The following USF2 variants were observed in gnomAD, a reference collection of about 807,000 sequenced individuals.
The protein encoded by USF2 is upstream stimulatory factor 2.
A neutral mutation model predicts 46.9 loss-of-function variants in USF2; 16 were observed. That is an observed-to-expected ratio of 0.34 (90% confidence interval 0.23 to 0.52). The LOEUF (loss-of-function observed/expected upper bound fraction) is 0.52, where lower values mean the gene tolerates loss of function less well. USF2 is among the 20% of genes least tolerant of loss of function. The pLI is 0.96. For missense variants in USF2, 411 were observed against 474.0 expected, an observed-to-expected ratio of 0.87 and a Z score of 1.23; for synonymous variants, 239 against 194.1, an observed-to-expected ratio of 1.23 and a Z score of -1.92.
rs867609003 is a variant in USF2, at chr19:35,269,675, C to T, written c.204C>T (p.Phe68=). 5.1e-6 allele frequency: 8 copies of T among 1,580,970 alleles called. No homozygotes were observed. Among genetic ancestry groups the T allele is most frequent in the African/African-American group, 4.2e-5 (3 of 71,666 alleles). Residue 68 remains phenylalanine, a synonymous_variant, in exon 3 of 10, where the codon TTC becomes TTT. Coordinates refer to ENST00000222305, the MANE Select transcript of USF2 (RefSeq NM_003367.4). ...GCGACCACAACATCCAGTACCAGTT[C>T]CGCACAGAGACAAATGGAGGACAGG... The part of the protein sequence containing the change: ...AFGDHNIQYQ[F]RTETNGGQVT...
In USF2 at chr19:35,269,803, G is replaced by C; in HGVS notation, c.229G>C (p.Val77Leu). Reference protein sequence around the residue: ...QFRTETNGGQVTYRVVQVTDG... With the variant: ...QFRTETNGGQLTYRVVQVTDG... The stretch of plus-strand genomic sequence containing the variant: ...CTCGCCGCTCTGCCGCCCCCTGCAG[G>C]TGACATACCGCGTAGTCCAGGTGAC... Residue 77 changes from valine to leucine, a missense_variant and splice_region_variant, in exon 4 of 10, where the codon GTG becomes CTG. Physicochemically the swap from Val to Leu is conservative, Grantham distance 32. Around this residue, in one of 2 missense-constraint regions of USF2, gnomAD observed 318 missense variants for 322.4 expected, o/e 0.99. Coordinates refer to ENST00000222305, the MANE Select transcript of USF2 (RefSeq NM_003367.4). 6.7e-7 allele frequency: 1 copy of C among 1,492,636 alleles called. No homozygotes were observed. The highest frequency in any genetic ancestry group is 8.9e-7 in the Non-Finnish European group (1 of 1,125,434). The allele number at this position is 1,492,636 out of a possible 1,614,324, so 92.5% of individuals were successfully genotyped here. A position where few individuals can be genotyped will look rare whatever the true frequency, so the allele number is the denominator to read the frequency against.
chr19:35,279,348 C>T lies in USF2; in HGVS notation c.*92C>T. 2 of 1,280,314 alleles carry T rather than the reference C, an allele frequency of 1.6e-6. No individual in the cohort carries two copies. Among genetic ancestry groups the T allele is most frequent in the African/African-American group, 3.1e-5 (2 of 64,500 alleles). 79.3% of individuals were successfully genotyped at this position (1,280,314 alleles called of 1,614,324 possible). ...AGCACAGAGAGGGACACATGCCCCT[C>T]CCCCAGCTGCGTTTTTTTATAGTAG... On this transcript the variant is annotated 3_prime_UTR_variant, in exon 10 of 10. Coordinates refer to ENST00000222305, the MANE Select transcript of USF2 (RefSeq NM_003367.4).
intron 7 of USF2, among the ~76,000 whole-genome samples, chr19:35,276,438 TC>T (rs2066234668): frequency 6.6e-6 from 1 of 152,130 alleles, no homozygotes; most frequent in Non-Finnish European, 1.5e-5. Context: ...TAATGGGTCT[TC>T]CTGTATTTCA....
chr19:35,276,796 G>A (rs2066240252), intron 7 of USF2, among the ~76,000 whole-genome samples: 1 of 152,182 alleles, frequency 6.6e-6, no homozygotes, highest in Non-Finnish European at 1.5e-5. Context: ...GAGGCACTTT[G>A]TACCATCTTC....
In USF2 at chr19:35,274,224, TC is replaced by T. The variant is rs1277225494; in HGVS notation, c.727+3084del. On this transcript the variant is annotated intron_variant, in intron 7 of 9. Coordinates refer to ENST00000222305, the MANE Select transcript of USF2 (RefSeq NM_003367.4). ...TGCCATCTCCCGTCTCCAAAGGCTT[TC>T]ATGCAACCTTCTTCTTTGCAGAGCA... Among the ~76,000 whole-genome samples the T allele has an allele frequency of 7.9e-5, 12 of 152,326 alleles. No individual in the cohort carries two copies. In the South Asian group the frequency reaches 2.5e-3, roughly 32 times the overall value.
rs1450662692 is a variant in USF2 at position 35,269,903 on chromosome 19, G to A, written c.329G>A (p.Gly110Glu). 5 of 1,388,244 alleles carry A rather than the reference G, an allele frequency of 3.6e-6. No individual in the cohort carries two copies. The South Asian group carries it at 6.7e-5, about 19-fold the overall frequency. 86.0% of individuals were successfully genotyped at this position (1,388,244 alleles called of 1,614,324 possible). Residue 110 changes from glycine (G) to glutamate (E), a missense_variant, in exon 4 of 10, where the codon GGG (glycine) becomes GAG (glutamate). Coordinates refer to ENST00000222305, the MANE Select transcript of USF2 (RefSeq NM_003367.4). ...GTGTCCACCGCTGCCTTCGCGGGGG[G>A]GCAGCAGGCTGTGACCCAGGTGGGT... ...SVVSTAAFAG[G>E]QQAVTQVGVD...
chr19:35,272,765 G>A (rs190374488), intron 7 of USF2, among the ~76,000 whole-genome samples: 193 of 152,076 alleles, frequency 1.3e-3, no homozygotes, highest in African/African-American at 4.5e-3. Context: ...ATGTGGGGAG[G>A]ACTCCAAGGC....
intron 6 of USF2, 138 bp from the exon 7 acceptor site, chr19:35,270,945 C>T (rs557128522): frequency 3.8e-5 from 54 of 1,409,892 alleles, no homozygotes; most frequent in African/African-American, 7.1e-5. Context: ...TGCTCTAGTG[C>T]ACATAAAGTA....
Position 35,270,780 on chromosome 19 carries a change from G to A in USF2, c.643G>A (p.Ala215Thr). The A allele has an allele frequency of 1.2e-6, 2 of 1,613,938 alleles. No homozygotes were observed. Among genetic ancestry groups the A allele is most frequent in the Non-Finnish European group, 1.7e-6 (2 of 1,180,008 alleles). Reference sequence around the variant, plus strand: ...TCAGACAGGAACACAGAGGACGATCGCCCCCCGGACACACCCTTACTCTCC... The same window carrying A: ...TCAGACAGGAACACAGAGGACGATCACCCCCCGGACACACCCTTACTCTCC... ...VLQTGTQRTIAPRTHPYSPKI... is the reference protein window; with the variant it reads ...VLQTGTQRTITPRTHPYSPKI... The change falls in exon 6 of 10, where the codon GCC becomes ACC. Residue 215 changes from alanine to threonine, a missense_variant. Physicochemically the swap from Ala to Thr is moderately conservative, Grantham distance 58. Transcript: ENST00000222305.
chr19:35,279,315 C>T lies in USF2; in HGVS notation c.*59C>T. 7.0e-7 allele frequency: 1 copy of T among 1,438,180 alleles called. No individual in the cohort carries two copies. Among genetic ancestry groups the T allele is most frequent in the Admixed American group, 2.7e-5 (1 of 36,496 alleles). The allele number at this position is 1,438,180 out of a possible 1,614,324, so 89.1% of individuals were successfully genotyped here. A position where few individuals can be genotyped will look rare whatever the true frequency, so the allele number is the denominator to read the frequency against. ...CGCCGGCCTCTGCTGCCCCCTTCCC[C>T]AGCCCTTAGCACAGAGAGGGACACA... On this transcript the variant is annotated 3_prime_UTR_variant, in exon 10 of 10. Coordinates refer to ENST00000222305, the MANE Select transcript of USF2 (RefSeq NM_003367.4).
intron 7 of USF2, among the ~76,000 whole-genome samples, chr19:35,271,927 T>C (rs2066162443): frequency 6.6e-6 from 1 of 151,958 alleles, no homozygotes; most frequent in Non-Finnish European, 1.5e-5. Context: ...GACGCTTCCC[T>C]AGGGAGAGGG....
Position 35,271,211 on chromosome 19 carries a change from G to A in USF2, c.727+70G>A. On this transcript the variant is annotated intron_variant, in intron 7 of 9. Coordinates refer to ENST00000222305, the MANE Select transcript of USF2 (RefSeq NM_003367.4). ...ACAGGCTCAGCCAGCCCTGGAGTGTGGAGTGACAGAGAGAGAAGCCACTCC... is the reference window on the plus strand; with the variant it reads ...ACAGGCTCAGCCAGCCCTGGAGTGTAGAGTGACAGAGAGAGAAGCCACTCC... 3 of 1,589,342 alleles carry A rather than the reference G, an allele frequency of 1.9e-6. No homozygotes were observed. The South Asian group carries it at 3.4e-5, about 18-fold the overall frequency.
chr19:35,273,576 A>T (rs948011492), intron 7 of USF2, among the ~76,000 whole-genome samples: 1 of 151,670 alleles, frequency 6.6e-6, no homozygotes, highest in African/African-American at 2.4e-5. Context: ...TTTTTTTTTG[A>T]GAAGGGGGTC....
chr19:35,271,922 T>C (rs1183336099), intron 7 of USF2, among the ~76,000 whole-genome samples: 2 of 152,138 alleles, frequency 1.3e-5, no homozygotes, highest in Non-Finnish European at 1.5e-5. Context: ...GGGGTGACGC[T>C]TCCCTAGGGA....
intron 7 of USF2, 22 bp downstream of exon 7, chr19:35,271,163 G>A (rs559343280): frequency 4.3e-6 from 7 of 1,613,754 alleles, no homozygotes; most frequent in South Asian, 1.1e-5. Flanking sequence ...GTGTGGCTCC[G>A]GGTCCCCCTG....
In USF2 at chr19:35,269,148, C is replaced by T. The variant is rs1024571866; in HGVS notation, c.47C>T (p.Ala16Val). The change falls in exon 1 of 10, where the codon GCT becomes GTT. Residue 16 changes from alanine to valine, a missense_variant. Ala to Val is a moderately conservative substitution (Grantham distance 64). Transcript: ENST00000222305. ...PGLDPAASAT[A>V]AAAASHDKGP... is the part of the protein sequence containing the mutation. ...CTGGATCCCGCTGCCTCGGCCACCG[C>T]TGCTGCCGCCGCCAGGTAAGATCCC... The T allele has an allele frequency of 2.9e-6, 3 of 1,019,500 alleles. No homozygotes were observed. Among genetic ancestry groups the T allele is most frequent in the Admixed American group, 9.6e-5 (2 of 20,900 alleles). 63.2% of individuals were successfully genotyped at this position (1,019,500 alleles called of 1,614,324 possible).
intron 4 of USF2, 76 bp downstream of exon 4, chr19:35,270,079 C>G: frequency 7.6e-7 from 1 of 1,324,386 alleles, no homozygotes; most frequent in Middle Eastern, 2.8e-4. Flanking sequence ...TGGGGAGCCC[C>G]GGGGGTGGGG....
chr19:35,272,038 G>A (rs1488592161), intron 7 of USF2, among the ~76,000 whole-genome samples: 2 of 152,182 alleles, frequency 1.3e-5, no homozygotes, highest in Non-Finnish European at 2.9e-5. Flanking sequence ...TCGAATGCCC[G>A]AGTGAGGGGC....
Position 35,278,803 on chromosome 19 carries a change from C to A in USF2, c.822+11C>A. 1 of 1,613,814 alleles carries A rather than the reference C, an allele frequency of 6.2e-7. No homozygotes were observed. Among genetic ancestry groups the A allele is most frequent in the Non-Finnish European group, 8.5e-7 (1 of 1,179,882 alleles). ...AGCAAGACGGGAGCGGTGAGCACCCCGGACCCTCAGTGTCTGCGGTGGTCC... is the reference window on the plus strand; with the variant it reads ...AGCAAGACGGGAGCGGTGAGCACCCAGGACCCTCAGTGTCTGCGGTGGTCC... On this transcript the variant is annotated intron_variant, in intron 8 of 9. Transcript: ENST00000222305.
Sources: gnomAD v4.1 joint callset for allele counts (sites outside exome capture counted in the v4.1 genomes callset) on GRCh38, gnomAD v4.1.1 for gene constraint, gnomAD v4.1.1 regional missense constraint, MANE v1.5 for transcripts, NCBI Gene and HGNC (gene_info 2026-07-23, HGNC 2026-07-21) for gene names.